Variants in UNC13C observed in about 807,000 individuals in gnomAD.
UNC13C encodes unc-13 homolog C, also known as protein unc-13 homolog C.
UNC13C carries 174 observed loss-of-function variants against 245.4 expected under a neutral mutation model. The ratio of observed to expected loss-of-function variants is 0.71; its 90% CI spans 0.63 to 0.80. The LOEUF is 0.80. Among genes scored for constraint, UNC13C ranks in the 30% least tolerant of loss-of-function variants. The pLI, the probability that UNC13C is intolerant of heterozygous loss-of-function variation, is 0.00. For missense variants in UNC13C, 2,829 were observed against 2,602.9 expected (o/e 1.09, Z -1.89); for synonymous variants, 992 against 895.1 (o/e 1.11, Z -1.93).
chr15:54,409,058 A>G (rs1034109417), intron 18 of UNC13C, among the ~76,000 whole-genome samples: 2 of 152,188 alleles, frequency 1.3e-5, no homozygotes, highest in Admixed American at 6.5e-5. Flanking sequence ...GTAGAGAGTC[A>G]TTAGATAACT....
chr15:54,456,548 A>G (rs1447954018), intron 19 of UNC13C, among the ~76,000 whole-genome samples: 3 of 151,664 alleles, frequency 2.0e-5, no homozygotes, highest in African/African-American at 7.3e-5. Context: ...AGTTTTCCTT[A>G]TAGAGATCTT....
intron 4 of UNC13C, among the ~76,000 whole-genome samples, chr15:54,170,253 G>T (rs78599067): frequency 2.6e-5 from 4 of 151,874 alleles, no homozygotes; most frequent in Non-Finnish European, 5.9e-5. Flanking sequence ...AATATACAAC[G>T]TGTTAATAAA....
chr15:54,243,827 A>AT (rs201211679), intron 7 of UNC13C, among the ~76,000 whole-genome samples: 3,853 of 151,246 alleles, frequency 0.025, 162 homozygotes, highest in African/African-American at 0.089. Flanking sequence ...GAGATTGTTT[A>AT]TTTTTTTTCT....
intron 30 of UNC13C, among the ~76,000 whole-genome samples, chr15:54,594,766 C>A (rs1408392545): frequency 6.6e-6 from 1 of 152,202 alleles, no homozygotes; most frequent in Non-Finnish European, 1.5e-5. Context: ...CCAGGTTCAG[C>A]TTCCACAGTA....
chr15:54,332,927 T>C (rs553386396), intron 15 of UNC13C, among the ~76,000 whole-genome samples: 3 of 152,024 alleles, frequency 2.0e-5, no homozygotes, highest in Admixed American at 6.6e-5. Flanking sequence ...TGGTATTATT[T>C]CATGTTGGTT....
chr15:54,112,259 G>T (rs1900818047), intron 2 of UNC13C, among the ~76,000 whole-genome samples: 1 of 152,138 alleles, frequency 6.6e-6, no homozygotes, highest in Admixed American at 6.5e-5. Flanking sequence ...AAGAGCCGAG[G>T]TTTAATATGC....
intron 19 of UNC13C, among the ~76,000 whole-genome samples, chr15:54,424,811 C>G (rs1418635220): frequency 6.6e-6 from 1 of 151,806 alleles, no homozygotes; most frequent in African/African-American, 2.4e-5. Flanking sequence ...ACAGGAGCAG[C>G]TTGGATCATG....
chr15:54,532,465 G>A (rs1027001288), intron 25 of UNC13C, among the ~76,000 whole-genome samples: 1 of 152,090 alleles, frequency 6.6e-6, no homozygotes, highest in Non-Finnish European at 1.5e-5. Flanking sequence ...AAGAAACTAT[G>A]GTACATATAC....
chr15:54,472,851 T>A (rs546696438), intron 19 of UNC13C, among the ~76,000 whole-genome samples: 13 of 152,068 alleles, frequency 8.5e-5, no homozygotes, highest in South Asian at 2.1e-4. Flanking sequence ...TTTCCTTTTT[T>A]AAAAATAATT....
the UNC13C span, among the ~76,000 whole-genome samples, chr15:53,933,278 A>C: frequency 6.6e-6 from 1 of 152,154 alleles, no homozygotes; most frequent in African/African-American, 2.4e-5. Flanking sequence ...CTGCTTAATA[A>C]TTTAGCAGTT....
At chr15:54,274,039 G>C (rs1284188599) in intron 10 of UNC13C, among the ~76,000 whole-genome samples, 1 of 152,094 alleles carries the variant, frequency 6.6e-6, no homozygotes, top group African/African-American at 2.4e-5. Flanking sequence ...AGACACTGAG[G>C]TAAATATGTA....
At chr15:54,569,643 A>C (rs901941947) in intron 30 of UNC13C, among the ~76,000 whole-genome samples, 48 of 152,034 alleles carry the variant, frequency 3.2e-4, no homozygotes, top group African/African-American at 1.1e-3. Context: ...GGAATTTGGC[A>C]TAATTACCTT....
intron 2 of UNC13C, among the ~76,000 whole-genome samples, chr15:54,125,805 GTTTTC>G (rs1206449643): frequency 6.6e-6 from 1 of 152,088 alleles, no homozygotes; most frequent in Non-Finnish European, 1.5e-5. Context: ...CTCTCTGATA[GTTTTC>G]TTTGCTTTGA....
chr15:54,334,725 A>G (rs569095307), intron 16 of UNC13C, among the ~76,000 whole-genome samples: 3 of 152,130 alleles, frequency 2.0e-5, no homozygotes, highest in Non-Finnish European at 2.9e-5. Flanking sequence ...ATTTACATCA[A>G]TTCTAATCTA....
intron 30 of UNC13C, among the ~76,000 whole-genome samples, chr15:54,599,461 T>C (rs2141269175): frequency 6.6e-6 from 1 of 152,180 alleles, no homozygotes; most frequent in East Asian, 1.9e-4. Context: ...TTGCAATCAT[T>C]GTTACATTTT....
At chr15:54,006,136 T>A (rs1001297842) in intron 1 of UNC13C, among the ~76,000 whole-genome samples, 5 of 152,204 alleles carry the variant, frequency 3.3e-5, no homozygotes. Flanking sequence ...AAGATTACCA[T>A]GAAGATTATT....
chr15:54,265,889 C>T (rs1024873854), intron 10 of UNC13C, among the ~76,000 whole-genome samples: 15 of 151,848 alleles, frequency 9.9e-5, no homozygotes, highest in African/African-American at 3.6e-4. Context: ...ATCTCCTGGC[C>T]CATCACTTGG....
At chr15:54,086,876 C>T (rs958654235) in intron 2 of UNC13C, among the ~76,000 whole-genome samples, 15 of 151,464 alleles carry the variant, frequency 9.9e-5, no homozygotes, top group South Asian at 2.1e-4. Context: ...GCTGGGATTA[C>T]GGGCACCTGC....
intron 1 of UNC13C, among the ~76,000 whole-genome samples, chr15:53,998,489 T>C (rs1894736629): frequency 6.6e-6 from 1 of 152,164 alleles, no homozygotes; most frequent in South Asian, 2.1e-4. Flanking sequence ...GCTTGCCAAA[T>C]TTAGTTTTCA....
Sources: allele counts gnomAD v4.1 joint callset (sites outside exome capture counted in the v4.1 genomes callset), GRCh38; gene constraint gnomAD v4.1.1; transcripts MANE v1.5; gene names NCBI Gene and HGNC (gene_info 2026-07-23, HGNC 2026-07-21).